Variants in ZBTB2 observed in about 807,000 individuals in gnomAD.
The protein encoded by ZBTB2 is zinc finger and BTB domain containing 2.
A neutral mutation model predicts 39.5 loss-of-function variants in ZBTB2; 2 were observed. The observed-to-expected ratio is 0.05, with a 90% CI of 0.02 to 0.16. The LOEUF (loss-of-function observed/expected upper bound fraction) is 0.16. ZBTB2 is among the 10% of genes least tolerant of loss of function. ZBTB2 has a pLI of 1.00. For missense variants in ZBTB2, 391 were observed against 653.0 expected, an observed-to-expected ratio of 0.60 and a Z score of 4.37; for synonymous variants, 251 against 256.6, an observed-to-expected ratio of 0.98 and a Z score of 0.21.
rs1382294358 is a variant in ZBTB2 at position 151,366,100 on chromosome 6, G to A, written c.966C>T (p.His322=). The stretch of plus-strand genomic sequence containing the variant: ...CATCGATGATGGGAGAATCAGAGAT[G>A]TGCTGCAGCTCACTGTCACTTATCA... The part of the protein sequence containing the change: ...AGMISDSELQ[H]ISDSPIIDGQ... The change falls in exon 3 of 3, where the codon CAC becomes CAT. Residue 322 remains histidine (H), a synonymous_variant. Transcript: ENST00000325144. This position sits in a 1 kb window ranked among gnomAD's most constrained non-coding sequence, Gnocchi z 7.1. The A allele has an allele frequency of 7.4e-6, 12 of 1,614,056 alleles. No individual in the cohort carries two copies. Among genetic ancestry groups the A allele is most frequent in the Non-Finnish European group, 9.3e-6 (11 of 1,180,054 alleles).
intron 1 of ZBTB2, among the ~76,000 whole-genome samples, chr6:151,375,328 T>C (rs944874257): frequency 2.6e-5 from 4 of 152,194 alleles, no homozygotes; most frequent in African/African-American, 9.6e-5. Flanking sequence ...AGGACTTGCA[T>C]GTTGAAAACT....
intron 1 of ZBTB2, among the ~76,000 whole-genome samples, chr6:151,377,369 A>AT (rs754374133): frequency 0.053 from 7,331 of 138,618 alleles, 615 homozygotes; most frequent in African/African-American, 0.17. Context: ...ATAAAGTTCA[A>AT]TTTTTTTTTT....
Position 151,365,562 on chromosome 6 carries a change from C to T in ZBTB2, c.1504G>A (p.Ala502Thr). The change falls in exon 3 of 3, where the codon GCT becomes ACT. Residue 502 changes from alanine (A) to threonine (T), a missense_variant. Transcript: ENST00000325144. The surrounding 1 kb of genome is among the most constrained non-coding windows in gnomAD (Gnocchi z 5.6). The part of the protein sequence containing the change: ...EVTEPDHPVL[A>T]SIKKEQETVL... The stretch of plus-strand genomic sequence containing the variant: ...GTTTCTTGTTCCTTTTTGATGGAAG[C>T]TAACACTGGGTGGTCAGGCTCCGTT... The T allele has an allele frequency of 6.2e-7, 1 of 1,613,840 alleles. No homozygotes were observed.
intron 1 of ZBTB2, among the ~76,000 whole-genome samples, chr6:151,390,203 C>T (rs532383354): frequency 6.6e-6 from 1 of 151,724 alleles, no homozygotes; most frequent in Non-Finnish European, 1.5e-5. Context: ...AGCGAGCAGG[C>T]GACAAGGGCG....
At chr6:151,391,233 CG>C (rs1562773880) in intron 1 of ZBTB2, among the ~76,000 whole-genome samples, 186 bp downstream of exon 1, 1 of 151,790 alleles carries the variant, frequency 6.6e-6, no homozygotes, top group African/African-American at 2.4e-5. Flanking sequence ...CCGAGTGGCC[CG>C]GGCCTTCCGC....
At chr6:151,368,225 C>T (rs527628610) in intron 2 of ZBTB2, among the ~76,000 whole-genome samples, 1 of 152,172 alleles carries the variant, frequency 6.6e-6, no homozygotes, top group South Asian at 2.1e-4. Flanking sequence ...CGGCTCACTG[C>T]AAGCTCCGCC....
chr6:151,388,624 C>A (rs951814593), intron 1 of ZBTB2, among the ~76,000 whole-genome samples: 22 of 152,306 alleles, frequency 1.4e-4, no homozygotes, highest in African/African-American at 4.8e-4. Context: ...GCCTTGGCCT[C>A]CCAAAGTGCT....
rs1778625648 is a variant in ZBTB2 at position 151,365,544 on chromosome 6, G to T, written c.1522C>A (p.Gln508Lys). The part of the protein sequence containing the change: ...HPVLASIKKE[Q>K]ETVLLD ...ATTCAGTCTAGTAAGACGGTTTCTT[G>T]TTCCTTTTTGATGGAAGCTAACACT... The change falls in exon 3 of 3, where the codon CAA becomes AAA. Residue 508 changes from glutamine to lysine, a missense_variant. Around this residue, in one of 7 missense-constraint regions of ZBTB2, gnomAD observed 49 missense variants for 55.6 expected, o/e 0.88. Coordinates refer to ENST00000325144, the MANE Select transcript of ZBTB2 (RefSeq NM_020861.3). The surrounding 1 kb of genome is among the most constrained non-coding windows in gnomAD (Gnocchi z 5.6). 1 of 1,611,666 alleles carries T rather than the reference G, an allele frequency of 6.2e-7. No individual in the cohort carries two copies. The highest frequency in any genetic ancestry group is 8.5e-7 in the Non-Finnish European group (1 of 1,178,926).
intron 1 of ZBTB2, 98 bp from the exon 2 acceptor site, chr6:151,373,747 C>A: frequency 9.6e-7 from 1 of 1,043,024 alleles, no homozygotes. Context: ...AACATGTCAT[C>A]ATAGCTAACG....
At chr6:151,381,074 A>G (rs564716456) in intron 1 of ZBTB2, among the ~76,000 whole-genome samples, 37 of 152,080 alleles carry the variant, frequency 2.4e-4, no homozygotes, top group African/African-American at 8.2e-4. Context: ...TCAGCCCCCA[A>G]TTGCCATTAA....
chr6:151,370,006 G>C, intron 2 of ZBTB2: 1 of 666,876 alleles, frequency 1.5e-6, no homozygotes. Context: ...TTTATTTCCA[G>C]GCAGCTTGAC....
chr6:151,374,930 T>TAAAAAAAAAAAAAAAAAAA (rs71556221), intron 1 of ZBTB2, among the ~76,000 whole-genome samples: 4 of 63,836 alleles, frequency 6.3e-5, no homozygotes, highest in Non-Finnish European at 6.1e-5. Flanking sequence ...CCGTCTCTAC[T>TAAAAAAAAAAAAAAAAAAA]AAAAAAAAAA....
At chr6:151,375,450 T>C (rs1778886807) in intron 1 of ZBTB2, among the ~76,000 whole-genome samples, 1 of 152,218 alleles carries the variant, frequency 6.6e-6, no homozygotes, top group Non-Finnish European at 1.5e-5. Flanking sequence ...AACTGACATA[T>C]AGGTTTGATG....
intron 1 of ZBTB2, among the ~76,000 whole-genome samples, chr6:151,382,702 C>A (rs1358450076): frequency 2.0e-5 from 3 of 151,998 alleles, no homozygotes; most frequent in Admixed American, 2.0e-4. Context: ...ATTACAGGCG[C>A]CTGCCACCAT....
At chr6:151,388,176 C>T (rs1157745430) in intron 1 of ZBTB2, among the ~76,000 whole-genome samples, 1 of 152,040 alleles carries the variant, frequency 6.6e-6, no homozygotes, top group African/African-American at 2.4e-5. Flanking sequence ...GATAAATGAC[C>T]TTTCCCAGGT....
At position 151,365,322 on chromosome 6, in the gene ZBTB2, G is replaced by T; in HGVS notation, c.*199C>A. On this transcript the variant is annotated 3_prime_UTR_variant, in exon 3 of 3. Coordinates refer to ENST00000325144, the MANE Select transcript of ZBTB2 (RefSeq NM_020861.3). This position sits in a 1 kb window ranked among gnomAD's most constrained non-coding sequence, Gnocchi z 5.6. ...GACCATTATCTTTCCAATATCCCCTGAAAGAAAGTCGATACATTCCAGGTT... is the reference window on the plus strand; with the variant it reads ...GACCATTATCTTTCCAATATCCCCTTAAAGAAAGTCGATACATTCCAGGTT... 1.7e-6 allele frequency: 1 copy of T among 594,942 alleles called. No individual in the cohort carries two copies. Among genetic ancestry groups the T allele is most frequent in the Non-Finnish European group, 2.8e-6 (1 of 352,434 alleles). 36.9% of individuals were successfully genotyped at this position (594,942 alleles called of 1,614,324 possible). A position where few individuals can be genotyped will look rare whatever the true frequency, so the allele number is the denominator to read the frequency against.
At chr6:151,380,514 C>T (rs913711356) in intron 1 of ZBTB2, among the ~76,000 whole-genome samples, 1 of 152,202 alleles carries the variant, frequency 6.6e-6, no homozygotes, top group African/African-American at 2.4e-5. Context: ...TGGCTGAGGC[C>T]GCCCCTCTTT....
intron 1 of ZBTB2, among the ~76,000 whole-genome samples, chr6:151,382,456 T>C (rs1031562509): frequency 6.6e-6 from 1 of 151,976 alleles, no homozygotes; most frequent in Non-Finnish European, 1.5e-5. Flanking sequence ...GGTTTCTCCA[T>C]GTTGGTCAGG....
In ZBTB2 at chr6:151,391,515, C is replaced by CGCTGCTGCT. The variant is rs999514026; in HGVS notation, c.-117_-109dup. The CGCTGCTGCT allele has an allele frequency of 3.9e-5, 6 of 153,382 alleles. No homozygotes were observed. Among genetic ancestry groups the CGCTGCTGCT allele is most frequent in the Admixed American group, 1.3e-4 (2 of 15,162 alleles). 9.5% of individuals were successfully genotyped at this position (153,382 alleles called of 1,614,324 possible). ...CCCCGCCGCCGCCGCCTCTGCCTCT[C>CGCTGCTGCT]GCTGCTGCTGCTGCTGCTGCCGCCG... On this transcript the variant is annotated 5_prime_UTR_variant, in exon 1 of 3. Transcript: ENST00000325144.
Sources: allele counts gnomAD v4.1 joint callset (sites outside exome capture counted in the v4.1 genomes callset), GRCh38; gene constraint gnomAD v4.1.1; regional missense constraint gnomAD v4.1.1; non-coding constraint Gnocchi (gnomAD v3.1); transcripts MANE v1.5; gene names NCBI Gene and HGNC (gene_info 2026-07-23, HGNC 2026-07-21).